PYHIN1: variants seen among roughly 807,000 people sequenced by gnomAD.
PYHIN1 encodes pyrin and HIN domain family member 1.
In PYHIN1, 32 loss-of-function variants were observed where a neutral mutation model predicts 43.7. The ratio of observed to expected loss-of-function variants is 0.73; its 90% CI spans 0.55 to 0.98. The LOEUF (loss-of-function observed/expected upper bound fraction) is 0.98, where lower values mean the gene tolerates loss of function less well. Among genes scored for constraint, PYHIN1 ranks in the 50% least tolerant of loss-of-function variants. The probability of loss-of-function intolerance (pLI) is 0.00; values close to 1 mark genes in which losing one functional copy is unlikely to be tolerated. For synonymous variants in PYHIN1, 205 were observed against 203.1 expected, an observed-to-expected ratio of 1.01 and a Z score of -0.08; for missense variants, 588 against 589.5, an observed-to-expected ratio of 1.00 and a Z score of 0.03.
At chr1:158,990,089 A>G in the PYHIN1 span, among the ~76,000 whole-genome samples, 3 of 152,308 alleles carry the variant, frequency 2.0e-5, no homozygotes, top group African/African-American at 7.2e-5. Context: ...ACTTCCACTC[A>G]TGATGTGAAT....
At chr1:158,937,589 T>C (rs1380018467) in intron 2 of PYHIN1, among the ~76,000 whole-genome samples, 1 of 152,200 alleles carries the variant, frequency 6.6e-6, no homozygotes, top group African/African-American at 2.4e-5. Context: ...AATACTTAAA[T>C]GTAAGCATTG....
chr1:158,933,450 A>G lies in PYHIN1; in HGVS notation c.-21+1674A>G, dbSNP rs1462277880. Among the ~76,000 whole-genome samples the G allele has an allele frequency of 2.0e-5, 3 of 151,882 alleles. No homozygotes were observed. The highest frequency in any genetic ancestry group is 1.3e-4 in the Admixed American group (2 of 15,240). On this transcript the variant is annotated intron_variant, in intron 1 of 8. Transcript: ENST00000368140. The surrounding 1 kb of genome is among the most constrained non-coding windows in gnomAD (Gnocchi z 6.3). Reference sequence around the variant, plus strand: ...ATACTCTTTGTCTTAAGATCTTTTAAAAATGATTCTAGCATAGATAAGCTG... The same window carrying G: ...ATACTCTTTGTCTTAAGATCTTTTAGAAATGATTCTAGCATAGATAAGCTG...
intron 7 of PYHIN1, among the ~76,000 whole-genome samples, chr1:158,957,394 T>C (rs1388037901): frequency 6.6e-6 from 1 of 152,146 alleles, no homozygotes. Flanking sequence ...ATGGTACTGT[T>C]ACCAAAACAG....
chr1:158,959,633 T>C (rs530819683), intron 7 of PYHIN1, among the ~76,000 whole-genome samples: 22 of 152,332 alleles, frequency 1.4e-4, no homozygotes, highest in South Asian at 6.2e-4. Flanking sequence ...CCAGCCTGAC[T>C]GAATTACCAC....
At chr1:158,970,855 A>G (rs954579374) in intron 7 of PYHIN1, among the ~76,000 whole-genome samples, 30 of 152,052 alleles carry the variant, frequency 2.0e-4, no homozygotes, top group African/African-American at 5.8e-4. Flanking sequence ...TTGCATATCC[A>G]TGAAGATACA....
chr1:158,938,978 A>G, intron 3 of PYHIN1, 102 bp from the exon 4 acceptor site: 1 of 928,378 alleles, frequency 1.1e-6, no homozygotes, highest in East Asian at 2.9e-5. Flanking sequence ...AGTTTCCAAG[A>G]AAAACAATTT....
chr1:158,934,261 A>G (rs1467101324), intron 1 of PYHIN1, among the ~76,000 whole-genome samples: 1 of 152,214 alleles, frequency 6.6e-6, no homozygotes, highest in East Asian at 1.9e-4. Context: ...TTTAAGTGGA[A>G]TAAATAAAAA....
At chr1:158,950,928 A>T (rs1456302839) in intron 7 of PYHIN1, among the ~76,000 whole-genome samples, 6 of 152,226 alleles carry the variant, frequency 3.9e-5, no homozygotes, top group Admixed American at 2.6e-4. Flanking sequence ...GCAAAAGTTA[A>T]TGACATCTCC....
intron 7 of PYHIN1, among the ~76,000 whole-genome samples, chr1:158,950,750 A>G (rs185533045): frequency 3.9e-5 from 6 of 152,272 alleles, no homozygotes; most frequent in African/African-American, 7.2e-5. Flanking sequence ...TTTCTTGAGC[A>G]TATTTTTAAG....
chr1:158,962,647 C>A (rs978009541), intron 7 of PYHIN1, among the ~76,000 whole-genome samples: 1 of 152,154 alleles, frequency 6.6e-6, no homozygotes, highest in Non-Finnish European at 1.5e-5. Context: ...TAACTGCTCT[C>A]GAGCTGGGAA....
chr1:158,957,546 A>C (rs1415111779), intron 7 of PYHIN1, among the ~76,000 whole-genome samples: 15 of 150,814 alleles, frequency 9.9e-5, no homozygotes. Flanking sequence ...AAAACTGGCT[A>C]GCCATATGTA....
intron 2 of PYHIN1, 27 bp from the exon 3 acceptor site, chr1:158,938,370 T>C (rs781683802): frequency 4.3e-6 from 7 of 1,613,588 alleles, no homozygotes; most frequent in African/African-American, 2.7e-5. Flanking sequence ...GCTCTGGGTT[T>C]ATACATCTTC....
intron 4 of PYHIN1, chr1:158,939,692 T>G: frequency 1.6e-6 from 1 of 633,464 alleles, no homozygotes; most frequent in Non-Finnish European, 2.8e-6. Context: ...ATTGAGATCT[T>G]ATCCTCAGGG....
intron 7 of PYHIN1, among the ~76,000 whole-genome samples, chr1:158,947,601 C>T (rs190786866): frequency 0.011 from 1,703 of 152,070 alleles, 16 homozygotes; most frequent in Middle Eastern, 0.017. Flanking sequence ...AGATGAATAA[C>T]ATACACTGAC....
intron 1 of PYHIN1, among the ~76,000 whole-genome samples, chr1:158,932,908 G>A (rs1648251781): frequency 6.6e-6 from 1 of 152,076 alleles, no homozygotes; most frequent in African/African-American, 2.4e-5. Flanking sequence ...AGAATTTTTA[G>A]AAGACTTTCT....
At chr1:158,934,137 G>T (rs371632658) in intron 1 of PYHIN1, among the ~76,000 whole-genome samples, 1 of 152,016 alleles carries the variant, frequency 6.6e-6, no homozygotes. Context: ...AGAACTTGGA[G>T]GTTTATAAAG....
chr1:158,938,675 A>G (rs1288052541), intron 3 of PYHIN1, 133 bp downstream of exon 3: 3 of 839,130 alleles, frequency 3.6e-6, no homozygotes, highest in Non-Finnish European at 5.2e-6. Flanking sequence ...ATCAAATTAC[A>G]TAATAATTGA....
In PYHIN1 at chr1:158,976,753, T is replaced by C; in HGVS notation, c.*58T>C. 6.3e-7 allele frequency: 1 copy of C among 1,595,988 alleles called. No homozygotes were observed. Among genetic ancestry groups the C allele is most frequent in the East Asian group, 2.2e-5 (1 of 44,454 alleles). On this transcript the variant is annotated 3_prime_UTR_variant, in exon 9 of 9. Transcript: ENST00000368140. ...CTACTGTTCAATCTTTACTCAAGTG[T>C]GGAAATTTTGCCTGAAGTCCTCCAC... is the stretch of plus-strand genomic sequence containing the variant.
At chr1:158,984,462 A>G in the PYHIN1 span, among the ~76,000 whole-genome samples, 39 of 152,196 alleles carry the variant, frequency 2.6e-4, no homozygotes, top group South Asian at 7.9e-3. Flanking sequence ...ATTTTCAGAG[A>G]TCTTCTTGGT....
Sources: allele counts gnomAD v4.1 joint callset (sites outside exome capture counted in the v4.1 genomes callset), GRCh38; gene constraint gnomAD v4.1.1; non-coding constraint Gnocchi (gnomAD v3.1); transcripts MANE v1.5; gene names NCBI Gene and HGNC (gene_info 2026-07-23, HGNC 2026-07-21).